Variants in TEX11 observed in about 807,000 individuals in gnomAD.
The protein encoded by TEX11 is testis-expressed protein 11.
TEX11 carries 7 observed loss-of-function variants against 84.4 expected under a neutral mutation model. The observed-to-expected ratio is 0.08, with a 90% confidence interval of 0.05 to 0.16. The LOEUF (loss-of-function observed/expected upper bound fraction) is 0.16, where lower values mean the gene tolerates loss of function less well. Ranked by LOEUF, TEX11 falls within the 10% of genes least tolerant of loss-of-function variation. The pLI, the probability that TEX11 is intolerant of heterozygous loss-of-function variation, is 1.00. For synonymous variants in TEX11, 264 were observed against 222.8 expected (o/e 1.18, Z -1.64); for missense variants, 551 against 660.5 (o/e 0.83, Z 1.82).
At chrX:70,627,268 G>C (rs986071688) in intron 18 of TEX11, among the ~76,000 whole-genome samples, 2 of 112,101 alleles carry the variant, frequency 1.8e-5, no homozygotes, top group African/African-American at 6.5e-5. Flanking sequence ...GTGAGAGAAG[G>C]AAGGTCAAGA....
rs2088220717 is a variant in TEX11 at position 70,551,997 on chromosome X, C to T, written c.2520+129G>A. The T allele has an allele frequency of 1.1e-5, 9 of 799,718 alleles. No homozygotes were observed. The South Asian group carries it at 3.5e-4, about 31-fold the overall frequency. The allele number at this position is 799,718 out of a possible 1,213,427, so 65.9% of individuals were successfully genotyped here. On this transcript the variant is annotated intron_variant, in intron 28 of 29. Coordinates refer to ENST00000374333, the MANE Select transcript of TEX11 (RefSeq NM_031276.3). The stretch of plus-strand genomic sequence containing the variant: ...CCCAGGAAAATTCTGTAGTGTGTAA[C>T]TACAAAATTGTAATATGAATTTATC...
chrX:70,867,871 TAACTC>T (rs1180662574), intron 4 of TEX11, among the ~76,000 whole-genome samples: 5 of 111,311 alleles, frequency 4.5e-5, no homozygotes, highest in Non-Finnish European at 7.5e-5. Flanking sequence ...ATAAAAAAAT[TAACTC>T]AACATGGATT....
At chrX:70,526,233 G>C (rs2087821353), downstream of TEX11, among the ~76,000 whole-genome samples, 1 of 111,681 alleles carries the variant, frequency 9.0e-6, no homozygotes, top group Non-Finnish European at 1.9e-5. Flanking sequence ...ATAGGGAAAG[G>C]GGAGAAAGCT....
chrX:70,772,565 C>A (rs928627115), intron 9 of TEX11, among the ~76,000 whole-genome samples: 1 of 110,619 alleles, frequency 9.0e-6, no homozygotes, highest in Non-Finnish European at 1.9e-5. Context: ...CAGAGTGAGA[C>A]CTTGTTTAAA....
intron 7 of TEX11, among the ~76,000 whole-genome samples, chrX:70,838,517 G>A (rs190810043): frequency 1.3e-4 from 15 of 112,486 alleles, no homozygotes; most frequent in African/African-American, 3.5e-4. Context: ...AGCCAAGATG[G>A]CCGAATAGGA....
intron 9 of TEX11, among the ~76,000 whole-genome samples, chrX:70,770,527 GTAAC>G (rs1176848585): frequency 9.0e-6 from 1 of 110,865 alleles, no homozygotes; most frequent in Non-Finnish European, 1.9e-5. Context: ...GTATACATAT[GTAAC>G]TAACCTGCAC....
chrX:70,641,112 G>A (rs2147585524), intron 17 of TEX11, among the ~76,000 whole-genome samples: 1 of 111,137 alleles, frequency 9.0e-6, no homozygotes, highest in East Asian at 2.8e-4. Flanking sequence ...GGCAGGGGTT[G>A]CAATCCTATT....
chrX:70,520,515 G>C, the TEX11 span, among the ~76,000 whole-genome samples: 2 of 111,915 alleles, frequency 1.8e-5, no homozygotes, highest in South Asian at 7.5e-4. Flanking sequence ...TGGAAGCTTC[G>C]TCTCAGAGGG....
intron 3 of TEX11, among the ~76,000 whole-genome samples, chrX:70,874,645 G>A (rs73548690): frequency 0.2 from 21,186 of 105,182 alleles, 3,098 homozygotes; most frequent in African/African-American, 0.45. Context: ...CAGGTGATCC[G>A]CCCGCCTCAA....
chrX:70,811,269 T>C (rs1185251203), intron 8 of TEX11, among the ~76,000 whole-genome samples: 1 of 105,253 alleles, frequency 9.5e-6, no homozygotes, highest in Non-Finnish European at 1.9e-5. Context: ...AGTGAGAACA[T>C]GCAGTGTTTG....
intron 15 of TEX11, among the ~76,000 whole-genome samples, chrX:70,678,119 G>A (rs145740854): frequency 1.4e-3 from 158 of 110,914 alleles, no homozygotes; most frequent in African/African-American, 4.9e-3. Flanking sequence ...GCCAATGCTC[G>A]CTTTATTTCT....
chrX:70,517,178 G>A, the TEX11 span, among the ~76,000 whole-genome samples: 1 of 111,811 alleles, frequency 8.9e-6, no homozygotes, highest in South Asian at 3.8e-4. Flanking sequence ...ACTGGTGAGA[G>A]AGGGCATCTT....
chrX:70,864,746 AAAAAAAAAAAAAAG>A lies in TEX11; in HGVS notation c.245-3824_245-3811del, dbSNP rs980578959. 2.6e-4 allele frequency among the ~76,000 whole-genome samples: 27 copies of A among 103,855 alleles called. No individual in the cohort carries two copies. The South Asian group carries it at 4.0e-3, about 15-fold the overall frequency. 90.2% of individuals were successfully genotyped at this position (103,855 alleles called of 115,157 possible). A position where few individuals can be genotyped will look rare whatever the true frequency, so the allele number is the denominator to read the frequency against. On this transcript the variant is annotated intron_variant, in intron 4 of 29. Coordinates refer to ENST00000374333, the MANE Select transcript of TEX11 (RefSeq NM_031276.3). Reference sequence around the variant, plus strand: ...GACAGAGCGAGATGCCATCTCAAAAAAAAAAAAAAAAAAGAAAAGAAAAGAATTTTCAACCCAGA... The same window carrying A: ...GACAGAGCGAGATGCCATCTCAAAAAAAAAGAAAAGAATTTTCAACCCAGA...
chrX:70,629,813 A>G (rs949880416), intron 17 of TEX11, 78 bp from the exon 18 acceptor site: 3 of 727,811 alleles, frequency 4.1e-6, no homozygotes, highest in East Asian at 7.6e-5. Flanking sequence ...TTATGCCACA[A>G]TGAATTTGGA....
chrX:70,843,702 C>T (rs746765317), intron 7 of TEX11, among the ~76,000 whole-genome samples: 4,602 of 111,431 alleles, frequency 0.041, 112 homozygotes, highest in Non-Finnish European at 0.065. Flanking sequence ...TTTTTGCAAT[C>T]TACTCATCTG....
At chrX:70,678,465 T>TC (rs988365998) in intron 15 of TEX11, among the ~76,000 whole-genome samples, 3 of 2,866 alleles carry the variant, frequency 1.0e-3, no homozygotes, top group African/African-American at 2.5e-3. Context: ...CTTGTAAAGG[T>TC]TTTTTTTTCC....
chrX:70,771,405 T>C (rs941678836), intron 9 of TEX11, among the ~76,000 whole-genome samples: 9 of 112,541 alleles, frequency 8.0e-5, no homozygotes, highest in African/African-American at 2.9e-4. Flanking sequence ...CCAATTCAAA[T>C]GTCTTCTGTT....
At position 70,736,687 on chromosome X, in the gene TEX11, C is replaced by T. The variant is rs1423361054; in HGVS notation, c.843+4014G>A. On this transcript the variant is annotated intron_variant, in intron 11 of 29. Transcript: ENST00000374333. ...ATCTGAGAAAGTAAAATAAAAGTAACCAAAAGAGTGGTAACTCTTTTACAT... is the reference window on the plus strand; with the variant it reads ...ATCTGAGAAAGTAAAATAAAAGTAATCAAAAGAGTGGTAACTCTTTTACAT... 4.5e-5 allele frequency among the ~76,000 whole-genome samples: 5 copies of T among 111,306 alleles called. 1 individual carries two copies. The Admixed American group carries it at 4.8e-4, about 11-fold the overall frequency.
chrX:70,678,118 C>T (rs2090090156), intron 15 of TEX11, among the ~76,000 whole-genome samples: 4 of 111,083 alleles, frequency 3.6e-5, no homozygotes, highest in Non-Finnish European at 5.7e-5. Flanking sequence ...GGCCAATGCT[C>T]GCTTTATTTC....
Sources: gnomAD v4.1 joint callset for allele counts (sites outside exome capture counted in the v4.1 genomes callset) on GRCh38, gnomAD v4.1.1 for gene constraint, MANE v1.5 for transcripts, NCBI Gene and HGNC (gene_info 2026-07-23, HGNC 2026-07-21) for gene names.